Variants in ORC5 observed in about 807,000 individuals in gnomAD.
ORC5 encodes the protein origin recognition complex subunit 5, also known as protein phosphatase 1, regulatory subunit 117.
Under a neutral mutation model 58.8 loss-of-function variants are expected in ORC5, and 39 were observed. The ratio of observed to expected loss-of-function variants is 0.66; its 90% CI spans 0.51 to 0.87. ORC5 has a LOEUF of 0.87. Among genes scored for constraint, ORC5 ranks in the 40% least tolerant of loss-of-function variants. The probability of loss-of-function intolerance (pLI) is 0.00; values close to 1 mark genes in which losing one functional copy is unlikely to be tolerated. For synonymous variants in ORC5, 218 were observed against 177.6 expected (o/e 1.23, Z -1.81); for missense variants, 493 against 506.3 (o/e 0.97, Z 0.25).
intron 11 of ORC5, among the ~76,000 whole-genome samples, chr7:104,162,519 C>T (rs1193560772): frequency 6.6e-6 from 1 of 152,174 alleles, no homozygotes; most frequent in Non-Finnish European, 1.5e-5. Flanking sequence ...TATTTACATG[C>T]ATGGGAGTAA....
chr7:104,163,642 A>T (rs146013300), intron 11 of ORC5, among the ~76,000 whole-genome samples: 6,781 of 152,000 alleles, frequency 0.045, 503 homozygotes, highest in African/African-American at 0.15. Flanking sequence ...GCCCACCATC[A>T]TGCCCGGCTA....
At position 104,129,902 on chromosome 7, in the gene ORC5, C is replaced by T. The variant is rs184728088; in HGVS notation, c.1263-3009G>A. 7.9e-5 allele frequency among the ~76,000 whole-genome samples: 12 copies of T among 152,180 alleles called. No homozygotes were observed. The highest frequency in any genetic ancestry group is 2.2e-4 in the African/African-American group (9 of 41,540). Reference sequence around the variant, plus strand: ...AATTCTTAAATCAGAATTTAGAATACGTTAATACAACTTAATTATATGGCA... The same window carrying T: ...AATTCTTAAATCAGAATTTAGAATATGTTAATACAACTTAATTATATGGCA... On this transcript the variant is annotated intron_variant, in intron 13 of 13. Coordinates refer to ENST00000297431, the MANE Select transcript of ORC5 (RefSeq NM_002553.4). The surrounding 1 kb of genome is among the most constrained non-coding windows in gnomAD (Gnocchi z 4.9).
At chr7:104,185,411 G>T (rs1051141440) in intron 6 of ORC5, among the ~76,000 whole-genome samples, 5 of 151,906 alleles carry the variant, frequency 3.3e-5, no homozygotes, top group African/African-American at 1.2e-4. Context: ...TTATATTTAT[G>T]TCACATAGAA....
intron 12 of ORC5, among the ~76,000 whole-genome samples, chr7:104,155,257 T>G (rs554247350): frequency 6.6e-5 from 10 of 151,810 alleles, no homozygotes; most frequent in South Asian, 4.1e-4. Flanking sequence ...AAGGTATATA[T>G]TTGTATATTA....
At chr7:104,200,252 G>T (rs530876473) in intron 3 of ORC5, among the ~76,000 whole-genome samples, 8 of 152,124 alleles carry the variant, frequency 5.3e-5, no homozygotes, top group Admixed American at 3.3e-4. Context: ...GAAATTAAAT[G>T]AAGTGCTTTA....
chr7:104,136,737 A>G lies in ORC5; in HGVS notation c.1262+44T>C. ...ATGACATCACATTTGGAAAACACTA[A>G]TTTTTATATTTAGTATATCATTACA... On this transcript the variant is annotated intron_variant, in intron 13 of 13. Transcript: ENST00000297431. The surrounding 1 kb of genome is among the most constrained non-coding windows in gnomAD (Gnocchi z 4.2). The G allele has an allele frequency of 7.8e-7, 1 of 1,286,608 alleles. No individual in the cohort carries two copies. Among genetic ancestry groups the G allele is most frequent in the South Asian group, 1.2e-5 (1 of 81,180 alleles). The allele number at this position is 1,286,608 out of a possible 1,614,324, so 79.7% of individuals were successfully genotyped here.
At position 104,138,570 on chromosome 7, in the gene ORC5, C is replaced by T. The variant is rs990129434; in HGVS notation, c.1150-1677G>A. On this transcript the variant is annotated intron_variant, in intron 12 of 13. Transcript: ENST00000297431. This position sits in a 1 kb window ranked among gnomAD's most constrained non-coding sequence, Gnocchi z 4.7. Reference sequence around the variant, plus strand: ...CATTATCCATGCTGGATTGCAGTGGCGCAATCATGGCTCACTGCAGCCTCA... The same window carrying T: ...CATTATCCATGCTGGATTGCAGTGGTGCAATCATGGCTCACTGCAGCCTCA... 7.9e-5 allele frequency among the ~76,000 whole-genome samples: 12 copies of T among 151,600 alleles called. No individual in the cohort carries two copies. The highest frequency in any genetic ancestry group is 2.6e-4 in the Admixed American group (4 of 15,218).
rs952066886 is a variant in ORC5 at position 104,138,281 on chromosome 7, T to A, written c.1150-1388A>T. Among the ~76,000 whole-genome samples, 2 of 152,206 alleles carry A rather than the reference T, an allele frequency of 1.3e-5. No homozygotes were observed. The highest frequency in any genetic ancestry group is 4.8e-5 in the African/African-American group (2 of 41,454). On this transcript the variant is annotated intron_variant, in intron 12 of 13. Coordinates refer to ENST00000297431, the MANE Select transcript of ORC5 (RefSeq NM_002553.4). This position sits in a 1 kb window ranked among gnomAD's most constrained non-coding sequence, Gnocchi z 4.7. ...AGCTTTGTTTCATTACTCAGACACA[T>A]GACCGCTAAACCTTTAAAAGCTGCA...
At chr7:104,184,771 C>A (rs985628887) in intron 6 of ORC5, among the ~76,000 whole-genome samples, 8 of 152,168 alleles carry the variant, frequency 5.3e-5, no homozygotes, top group Non-Finnish European at 2.9e-5. Context: ...GATCACCCCC[C>A]ACCTTGGATC....
chr7:104,197,645 C>G (rs1419709695), intron 4 of ORC5, 80 bp downstream of exon 4: 2 of 852,256 alleles, frequency 2.3e-6, no homozygotes, highest in African/African-American at 1.7e-5. Context: ...TCTCACCTAT[C>G]AAATAGCAAA....
At chr7:104,190,330 CAACA>C (rs1319211557) in intron 5 of ORC5, among the ~76,000 whole-genome samples, 1 of 151,902 alleles carries the variant, frequency 6.6e-6, no homozygotes, top group African/African-American at 2.4e-5. Context: ...CATAAACTGC[CAACA>C]AACTAGAAAA....
At chr7:104,198,255 T>C (rs1584523830) in intron 3 of ORC5, among the ~76,000 whole-genome samples, 1 of 152,182 alleles carries the variant, frequency 6.6e-6, no homozygotes, top group East Asian at 1.9e-4. Flanking sequence ...TGGAACAGGA[T>C]GGAGGGCTCA....
At chr7:104,187,607 T>A (rs974973728) in intron 6 of ORC5, 2 of 274,232 alleles carry the variant, frequency 7.3e-6, no homozygotes, top group African/African-American at 4.6e-5. Context: ...AAACAGAAAT[T>A]CTTGTCTCTT....
At chr7:104,153,361 G>A (rs1798875475) in intron 12 of ORC5, among the ~76,000 whole-genome samples, 1 of 152,090 alleles carries the variant, frequency 6.6e-6, no homozygotes, top group Non-Finnish European at 1.5e-5. Context: ...GCATCATGGC[G>A]GTGATGCTCT....
chr7:104,195,635 C>T (rs953916056), intron 4 of ORC5, among the ~76,000 whole-genome samples: 3 of 152,188 alleles, frequency 2.0e-5, no homozygotes, highest in Admixed American at 6.5e-5. Flanking sequence ...AAGCGATCCT[C>T]CTGCCTCAGC....
intron 2 of ORC5, 30 bp downstream of exon 2, chr7:104,204,112 C>T (rs781385176): frequency 1.6e-6 from 2 of 1,278,886 alleles, no homozygotes; most frequent in South Asian, 2.8e-5. Context: ...CTAAAAATGG[C>T]AAAGAAATAT....
intron 8 of ORC5, among the ~76,000 whole-genome samples, chr7:104,173,556 T>C (rs1799255946): frequency 6.6e-6 from 1 of 152,244 alleles, no homozygotes; most frequent in Admixed American, 6.5e-5. Flanking sequence ...GCTCACCTTT[T>C]CTGCCCTGGT....
intron 4 of ORC5, among the ~76,000 whole-genome samples, chr7:104,196,110 T>C (rs1584522030): frequency 6.6e-6 from 1 of 152,320 alleles, no homozygotes; most frequent in South Asian, 2.1e-4. Context: ...AATCTTTTAA[T>C]TTTCTTCAAA....
rs1315819234 is a variant in ORC5, at chr7:104,187,847, C to T, written c.684+404G>A. The T allele has an allele frequency of 2.6e-5, 26 of 987,980 alleles. 1 individual carries two copies. The highest frequency in any genetic ancestry group is 4.7e-5 in the South Asian group (1 of 21,434). 61.2% of individuals were successfully genotyped at this position (987,980 alleles called of 1,614,324 possible). A position where few individuals can be genotyped will look rare whatever the true frequency, so the allele number is the denominator to read the frequency against. On this transcript the variant is annotated intron_variant, in intron 6 of 13. Coordinates refer to ENST00000297431, the MANE Select transcript of ORC5 (RefSeq NM_002553.4). ...CATCTAGATTCTAGACCTCAATCAC[C>T]GCATACATAAAACTTGAACAAAATC...
Sources: gnomAD v4.1 joint callset for allele counts (sites outside exome capture counted in the v4.1 genomes callset) on GRCh38, gnomAD v4.1.1 for gene constraint, Gnocchi (gnomAD v3.1) non-coding constraint, MANE v1.5 for transcripts, NCBI Gene and HGNC (gene_info 2026-07-23, HGNC 2026-07-21) for gene names.